CPS1: variants seen among roughly 807,000 people sequenced by gnomAD.
CPS1 encodes the protein carbamoyl-phosphate synthase 1.
A neutral mutation model predicts 174.6 loss-of-function variants in CPS1; 109 were observed. The observed-to-expected ratio is 0.62, with a 90% CI of 0.53 to 0.73. CPS1 has a LOEUF of 0.73. Ranked by LOEUF, CPS1 falls within the 30% of genes least tolerant of loss-of-function variation. The pLI, the probability that CPS1 is intolerant of heterozygous loss-of-function variation, is 0.00. For missense variants in CPS1, 1,689 were observed against 1,821.9 expected (o/e 0.93, Z 1.33); for synonymous variants, 637 against 632.0 (o/e 1.01, Z -0.12).
At chr2:210,674,847 C>A in intron 34 of CPS1, 55 bp from the exon 35 acceptor site, 1 of 1,306,580 alleles carries the variant, frequency 7.7e-7, no homozygotes, top group Non-Finnish European at 1.1e-6. Flanking sequence ...TACCATATTG[C>A]ATAAATGAAG....
chr2:210,505,783 G>A (rs1695263927), intron 1 of CPS1, among the ~76,000 whole-genome samples: 1 of 152,202 alleles, frequency 6.6e-6, no homozygotes, highest in Non-Finnish European at 1.5e-5. Context: ...ACGGAGACTT[G>A]CTCATTGCTA....
Position 210,642,506 on chromosome 2 carries a change from G to C in CPS1, c.2982G>C (p.Trp994Cys), listed in dbSNP as rs1700257191. The C allele has an allele frequency of 1.9e-6, 3 of 1,613,900 alleles. No individual in the cohort carries two copies. The highest frequency in any genetic ancestry group is 2.5e-6 in the Non-Finnish European group (3 of 1,179,834). The change falls in exon 25 of 38, where the codon TGG (tryptophan) becomes TGC (cysteine). Residue 994 changes from tryptophan (W) to cysteine (C), a missense_variant. By Grantham distance (215) the Trp-to-Cys change is radical (BLOSUM62 -2). Coordinates refer to ENST00000233072, the MANE Select transcript of CPS1 (RefSeq NM_001875.5). ...CAGGCAGCAGTGTGGAATTTGATTGGTGTGCTGTCTCTAGTATCCGCACAC... is the reference window on the plus strand; with the variant it reads ...CAGGCAGCAGTGTGGAATTTGATTGCTGTGCTGTCTCTAGTATCCGCACAC... Reference protein sequence around the residue: ...YHIGSSVEFDWCAVSSIRTLR... With the variant: ...YHIGSSVEFDCCAVSSIRTLR...
chr2:210,651,492 T>A (rs970547662), intron 28 of CPS1, among the ~76,000 whole-genome samples: 1 of 152,202 alleles, frequency 6.6e-6, no homozygotes, highest in Non-Finnish European at 1.5e-5. Flanking sequence ...ACCAACTGTC[T>A]TCTCTATTTT....
chr2:210,667,801 G>A (rs1321282763), intron 33 of CPS1, among the ~76,000 whole-genome samples: 1 of 152,172 alleles, frequency 6.6e-6, no homozygotes, highest in Admixed American at 6.6e-5. Context: ...TAAACAGTAA[G>A]TCATATTAAC....
At chr2:210,607,486 A>G (rs1033927768) in intron 18 of CPS1, among the ~76,000 whole-genome samples, 2 of 151,994 alleles carry the variant, frequency 1.3e-5, no homozygotes, top group African/African-American at 4.8e-5. Flanking sequence ...GGGAAAGGTA[A>G]TCAAAACCTT....
At chr2:210,556,444 C>A, upstream of CPS1, 1 of 693,120 alleles carries the variant, frequency 1.4e-6, no homozygotes, top group Non-Finnish European at 2.4e-6. Context: ...TTTCTACAAC[C>A]CCAGCATTAT....
chr2:210,647,959 C>G lies in CPS1; in HGVS notation c.3238C>G (p.Pro1080Ala). ...TGGTGTCAAGATCATGGGCACAAGC[C>G]CCCTGCAGATCGACAGGGCTGAGGA... is the stretch of plus-strand genomic sequence containing the variant. ...KNGVKIMGTS[P>A]LQIDRAEDRS... The change falls in exon 26 of 38, where the codon CCC (proline) becomes GCC (alanine). Residue 1080 changes from proline to alanine, a missense_variant. Coordinates refer to ENST00000233072, the MANE Select transcript of CPS1 (RefSeq NM_001875.5). 6.2e-7 allele frequency: 1 copy of G among 1,614,014 alleles called. No individual in the cohort carries two copies. The highest frequency in any genetic ancestry group is 8.5e-7 in the Non-Finnish European group (1 of 1,179,950).
At chr2:210,561,857 A>G (rs952270871) in intron 1 of CPS1, among the ~76,000 whole-genome samples, 10 of 152,138 alleles carry the variant, frequency 6.6e-5, no homozygotes, top group African/African-American at 2.4e-4. Flanking sequence ...GTTAAATGCT[A>G]TACATTGATC....
At chr2:210,508,417 G>A (rs1379177843) in intron 1 of CPS1, among the ~76,000 whole-genome samples, 1 of 151,660 alleles carries the variant, frequency 6.6e-6, no homozygotes, top group East Asian at 1.9e-4. Context: ...ATGCCCACAA[G>A]AGAAAGCAGG....
Position 210,640,044 on chromosome 2 carries a change from G to A in CPS1, c.2944G>A (p.Gly982Ser), listed in dbSNP as rs757059355. 3.1e-6 allele frequency: 5 copies of A among 1,606,444 alleles called. No homozygotes were observed. The highest frequency in any genetic ancestry group is 3.4e-6 in the Non-Finnish European group (4 of 1,173,626). The change falls in exon 24 of 38, where the codon GGT becomes AGT. Residue 982 changes from glycine (G) to serine (S), a missense_variant. Physicochemically the swap from Gly to Ser is moderately conservative, Grantham distance 56. Transcript: ENST00000233072. ...DDHGMMVLGC[G>S]PYHIGSSVEF... ...CCATGGAATGATGGTGCTAGGCTGT[G>A]GTCCATATCACATTGGTAAAATAAT... is the stretch of plus-strand genomic sequence containing the variant.
In CPS1 at chr2:210,603,195, A is replaced by T. The variant is rs183397476; in HGVS notation, c.1836+865A>T. On this transcript the variant is annotated intron_variant, in intron 16 of 37. Transcript: ENST00000233072. ...CATGGCAGTCATAGAAGTGAATTTG[A>T]CAGAATTACTGTAAGGGCTATTTTG... 3.0e-3 allele frequency among the ~76,000 whole-genome samples: 462 copies of T among 152,008 alleles called. 4 individuals are homozygous for T. The highest frequency in any genetic ancestry group is 0.011 in the African/African-American group (456 of 41,510).
At chr2:210,548,037 AT>A (rs1696608625) in intron 1 of CPS1, among the ~76,000 whole-genome samples, 1 of 152,022 alleles carries the variant, frequency 6.6e-6, no homozygotes, top group African/African-American at 2.4e-5. Context: ...GGACAAGTAA[AT>A]TTTTGGGGTC....
intron 1 of CPS1, among the ~76,000 whole-genome samples, chr2:210,501,754 C>A (rs981701132): frequency 6.6e-6 from 1 of 152,186 alleles, no homozygotes; most frequent in African/African-American, 2.4e-5. Flanking sequence ...TCCAAACTTT[C>A]TCACATCTTC....
At chr2:210,640,728 A>T (rs1700195919) in intron 24 of CPS1, among the ~76,000 whole-genome samples, 1 of 152,212 alleles carries the variant, frequency 6.6e-6, no homozygotes, top group South Asian at 2.1e-4. Flanking sequence ...TATGATTTGA[A>T]TATATTTAAA....
intron 33 of CPS1, among the ~76,000 whole-genome samples, chr2:210,665,690 A>G (rs368839222): frequency 0.031 from 4,662 of 148,350 alleles, 118 homozygotes; most frequent in Non-Finnish European, 0.043. Context: ...ATTCCATGGT[A>G]TATATGTGCC....
chr2:210,548,667 CA>C (rs1484719654), intron 1 of CPS1, among the ~76,000 whole-genome samples: 1 of 151,928 alleles, frequency 6.6e-6, no homozygotes, highest in Non-Finnish European at 1.5e-5. Context: ...TCCCCTTCTT[CA>C]TCTCCTTCTT....
At chr2:210,503,213 G>A (rs554685256) in intron 1 of CPS1, among the ~76,000 whole-genome samples, 68 of 152,252 alleles carry the variant, frequency 4.5e-4, no homozygotes, top group African/African-American at 1.4e-3. Context: ...GGCAATTCTT[G>A]GGACGGAGGA....
At chr2:210,633,538 A>G (rs924808073) in intron 21 of CPS1, among the ~76,000 whole-genome samples, 1 of 152,224 alleles carries the variant, frequency 6.6e-6, no homozygotes, top group African/African-American at 2.4e-5. Flanking sequence ...TCCAGAAATG[A>G]AAATACTACA....
At chr2:210,501,905 G>C (rs574956805) in intron 1 of CPS1, among the ~76,000 whole-genome samples, 69 of 152,230 alleles carry the variant, frequency 4.5e-4, no homozygotes, top group African/African-American at 1.4e-3. Flanking sequence ...TTTTCAGGCT[G>C]TGATGAAAAA....
Sources: allele counts gnomAD v4.1 joint callset (sites outside exome capture counted in the v4.1 genomes callset), GRCh38; gene constraint gnomAD v4.1.1; transcripts MANE v1.5; gene names NCBI Gene and HGNC (gene_info 2026-07-23, HGNC 2026-07-21).